Variants in CNTN5 observed in about 807,000 individuals in gnomAD.
CNTN5 encodes the protein contactin-5.
A neutral mutation model predicts 129.1 loss-of-function variants in CNTN5; 77 were observed. The observed-to-expected ratio is 0.60, with a 90% CI of 0.50 to 0.72. The LOEUF is 0.72. Ranked by LOEUF, CNTN5 falls within the 30% of genes least tolerant of loss-of-function variation. CNTN5 has a pLI of 0.00. For synonymous variants in CNTN5, 509 were observed against 465.6 expected (o/e 1.09, Z -1.20); for missense variants, 1,478 against 1,328.8 (o/e 1.11, Z -1.75).
intron 2 of CNTN5, among the ~76,000 whole-genome samples, chr11:99,354,994 C>T (rs1938543469): frequency 6.6e-6 from 1 of 152,130 alleles, no homozygotes; most frequent in Admixed American, 6.6e-5. Flanking sequence ...ACACTTATCT[C>T]AGGGCCCACA....
At chr11:100,248,817 T>G (rs940832315) in intron 16 of CNTN5, among the ~76,000 whole-genome samples, 1 of 152,146 alleles carries the variant, frequency 6.6e-6, no homozygotes, top group African/African-American at 2.4e-5. Context: ...CCATAAGGAC[T>G]CTACAGCCTG....
At chr11:99,826,915 C>T (rs780697706) in intron 4 of CNTN5, among the ~76,000 whole-genome samples, 10 of 152,130 alleles carry the variant, frequency 6.6e-5, no homozygotes, top group Non-Finnish European at 1.3e-4. Flanking sequence ...CAGAAAGATG[C>T]TTTCACATTT....
At chr11:100,102,168 T>C (rs938871112) in intron 13 of CNTN5, among the ~76,000 whole-genome samples, 1 of 152,118 alleles carries the variant, frequency 6.6e-6, no homozygotes, top group African/African-American at 2.4e-5. Flanking sequence ...TCTATAGTGG[T>C]TGTACTAGTT....
intron 17 of CNTN5, among the ~76,000 whole-genome samples, chr11:100,262,526 A>G (rs979314762): frequency 2.6e-5 from 4 of 152,182 alleles, no homozygotes; most frequent in Non-Finnish European, 5.9e-5. Context: ...AATAGCAAAG[A>G]CTTGGAACCA....
At chr11:99,639,721 C>A (rs10893640) in intron 3 of CNTN5, among the ~76,000 whole-genome samples, 1 of 151,338 alleles carries the variant, frequency 6.6e-6, no homozygotes, top group South Asian at 2.1e-4. Flanking sequence ...TGAGCCACTA[C>A]GCCCAGCTAA....
At chr11:99,215,954 C>T (rs1160704695) in intron 1 of CNTN5, among the ~76,000 whole-genome samples, 4 of 152,136 alleles carry the variant, frequency 2.6e-5, no homozygotes, top group Admixed American at 6.5e-5. Context: ...GATACAGGAA[C>T]ACACTGTGTA....
At position 100,357,872 on chromosome 11, in the gene CNTN5, G is replaced by A. The variant is rs188087753; in HGVS notation, c.*1652G>A. 6.6e-6 allele frequency: 1 copy of A among 151,596 alleles called. No homozygotes were observed. The allele number at this position is 151,596 out of a possible 1,614,324, so 9.4% of individuals were successfully genotyped here. On this transcript the variant is annotated 3_prime_UTR_variant, in exon 25 of 25. Transcript: ENST00000524871. Reference sequence around the variant, plus strand: ...TATGTAGGTTACATATTCTCTTTGGGGAAATGATGTAAGACACCCTAAACA... The same window carrying A: ...TATGTAGGTTACATATTCTCTTTGGAGAAATGATGTAAGACACCCTAAACA...
Position 99,242,697 on chromosome 11 carries a change from G to T in CNTN5, c.-209-82649G>T, listed in dbSNP as rs188997063. Reference sequence around the variant, plus strand: ...TGTCATCTTTATGTCCATAAATATTGAATGTTTAGCTCCAGCTTCTAAGTG... The same window carrying T: ...TGTCATCTTTATGTCCATAAATATTTAATGTTTAGCTCCAGCTTCTAAGTG... On this transcript the variant is annotated intron_variant, in intron 1 of 24. Transcript: ENST00000524871. Among the ~76,000 whole-genome samples, 1,305 of 152,024 alleles carry T rather than the reference G, an allele frequency of 8.6e-3. 11 individuals are homozygous for T. The highest frequency in any genetic ancestry group is 0.012 in the Non-Finnish European group (825 of 67,900).
intron 8 of CNTN5, among the ~76,000 whole-genome samples, chr11:99,962,061 G>C (rs1341931071): frequency 6.6e-6 from 1 of 152,112 alleles, no homozygotes; most frequent in Non-Finnish European, 1.5e-5. Context: ...TGTGCTTATA[G>C]AGTGATTACA....
chr11:99,797,197 C>G (rs1002764468), intron 3 of CNTN5, among the ~76,000 whole-genome samples: 19 of 152,124 alleles, frequency 1.2e-4, no homozygotes, highest in African/African-American at 4.3e-4. Context: ...ATTCTGTGTA[C>G]TACTGTGATG....
chr11:99,678,317 A>T (rs1033252705), intron 3 of CNTN5, among the ~76,000 whole-genome samples: 1 of 151,722 alleles, frequency 6.6e-6, no homozygotes, highest in African/African-American at 2.4e-5. Flanking sequence ...AAAAAATGTT[A>T]CAAAGAAGGA....
chr11:99,305,566 T>C (rs908927284), intron 1 of CNTN5, among the ~76,000 whole-genome samples: 14 of 152,128 alleles, frequency 9.2e-5, no homozygotes, highest in Non-Finnish European at 1.8e-4. Context: ...AAAAAAACAA[T>C]TTTTCTCTGT....
rs1254161229 is a variant in CNTN5 at position 99,745,793 on chromosome 11, A to C, written c.56-73751A>C. 2.0e-5 allele frequency among the ~76,000 whole-genome samples: 3 copies of C among 151,970 alleles called. No homozygotes were observed. The East Asian group carries it at 5.8e-4, about 29-fold the overall frequency. On this transcript the variant is annotated intron_variant, in intron 3 of 24. Transcript: ENST00000524871. Reference sequence around the variant, plus strand: ...TTTATTGCTTTGTTAGGCACATGTGACACAAACATTTAAAAAGATGGGCAC... The same window carrying C: ...TTTATTGCTTTGTTAGGCACATGTGCCACAAACATTTAAAAAGATGGGCAC...
At chr11:100,039,921 C>T (rs1188207166) in intron 9 of CNTN5, among the ~76,000 whole-genome samples, 2 of 152,146 alleles carry the variant, frequency 1.3e-5, no homozygotes, top group Non-Finnish European at 2.9e-5. Context: ...CGAATTTCCT[C>T]CTGTAGCTCG....
At chr11:99,797,947 T>TA (rs996340589) in intron 3 of CNTN5, among the ~76,000 whole-genome samples, 5 of 152,172 alleles carry the variant, frequency 3.3e-5, no homozygotes, top group Non-Finnish European at 5.9e-5. Flanking sequence ...TATCTTTTTT[T>TA]AAAAAATATT....
At chr11:99,929,860 T>C (rs1480937522) in intron 7 of CNTN5, among the ~76,000 whole-genome samples, 2 of 152,162 alleles carry the variant, frequency 1.3e-5, no homozygotes, top group Non-Finnish European at 2.9e-5. Flanking sequence ...ATTCTTGTCC[T>C]GTTGGAAGAA....
At chr11:100,142,881 C>G (rs764999159) in intron 13 of CNTN5, among the ~76,000 whole-genome samples, 1 of 152,046 alleles carries the variant, frequency 6.6e-6, no homozygotes, top group Admixed American at 6.6e-5. Flanking sequence ...AGATTGTCCA[C>G]GTGGATGGCT....
chr11:99,818,474 T>C (rs1250338081), intron 3 of CNTN5, among the ~76,000 whole-genome samples: 1 of 152,156 alleles, frequency 6.6e-6, no homozygotes, highest in Non-Finnish European at 1.5e-5. Flanking sequence ...TTTTGCTGGT[T>C]TTAAACACCT....
At position 99,981,077 on chromosome 11, in the gene CNTN5, GATATATATATAT is replaced by G. The variant is rs372749441; in HGVS notation, c.878-20941_878-20930del. Among the ~76,000 whole-genome samples, 3 of 57,598 alleles carry G rather than the reference GATATATATATAT, an allele frequency of 5.2e-5. 1 individual carries two copies. The highest frequency in any genetic ancestry group is 1.2e-4 in the African/African-American group (2 of 16,772). The allele number at this position is 57,598 out of a possible 152,430, so 37.8% of individuals were successfully genotyped here. ...TTTTATAGAGAGAAAGAGCCAATAG[GATATATATATAT>G]ATATATATATATATACACACACACA... is the stretch of plus-strand genomic sequence containing the variant. On this transcript the variant is annotated intron_variant, in intron 8 of 24. Transcript: ENST00000524871.
Sources: gnomAD v4.1 joint callset for allele counts (sites outside exome capture counted in the v4.1 genomes callset) on GRCh38, gnomAD v4.1.1 for gene constraint, MANE v1.5 for transcripts, NCBI Gene and HGNC (gene_info 2026-07-23, HGNC 2026-07-21) for gene names.